Variants in LAMP1 observed in about 807,000 individuals in gnomAD.
LAMP1 encodes the protein lysosome-associated membrane glycoprotein 1.
LAMP1 carries 7 observed loss-of-function variants against 37.5 expected under a neutral mutation model. That is an observed-to-expected ratio of 0.19 (90% CI 0.11 to 0.35). The LOEUF is 0.35. LAMP1 is among the 10% of genes least tolerant of loss of function. LAMP1 has a pLI of 1.00. For synonymous variants in LAMP1, 236 were observed against 229.1 expected, an observed-to-expected ratio of 1.03 and a Z score of -0.27; for missense variants, 537 against 552.8, an observed-to-expected ratio of 0.97 and a Z score of 0.29.
intron 4 of LAMP1, among the ~76,000 whole-genome samples, chr13:113,316,615 G>A (rs906468818): frequency 6.6e-6 from 1 of 152,048 alleles, no homozygotes; most frequent in Non-Finnish European, 1.5e-5. Context: ...TAGAGACGGG[G>A]TTTCACCGTG....
In LAMP1 at chr13:113,321,534, C is replaced by T. The variant is rs201599205; in HGVS notation, c.944-23C>T. On this transcript the variant is annotated intron_variant, in intron 7 of 8. Coordinates refer to ENST00000332556, the MANE Select transcript of LAMP1 (RefSeq NM_005561.4). This position sits in a 1 kb window ranked among gnomAD's most constrained non-coding sequence, Gnocchi z 5.6. Reference sequence around the variant, plus strand: ...GCGCGCCCAGGGTATTCTGGAGCCACTAGACCTCTGTGTGTGTTGCAGACC... The same window carrying T: ...GCGCGCCCAGGGTATTCTGGAGCCATTAGACCTCTGTGTGTGTTGCAGACC... 2.3e-5 allele frequency: 37 copies of T among 1,613,518 alleles called. No homozygotes were observed. In the African/African-American group the frequency reaches 4.3e-4, roughly 19 times the overall value.
intron 1 of LAMP1, among the ~76,000 whole-genome samples, chr13:113,301,101 A>T (rs1210832019): frequency 1.3e-5 from 2 of 152,184 alleles, no homozygotes; most frequent in African/African-American, 4.8e-5. Context: ...ACTGACAGGT[A>T]GTAAGTGCTG....
intron 2 of LAMP1, among the ~76,000 whole-genome samples, chr13:113,308,272 T>C (rs2042610615): frequency 6.9e-6 from 1 of 145,330 alleles, no homozygotes; most frequent in South Asian, 2.2e-4. Context: ...CACCTTGGCC[T>C]CCCAAAGTGC....
chr13:113,309,105 T>G (rs549158574), intron 2 of LAMP1, among the ~76,000 whole-genome samples: 28 of 152,276 alleles, frequency 1.8e-4, no homozygotes, highest in African/African-American at 5.8e-4. Flanking sequence ...TTTATGGGGT[T>G]GTTTTGTTTT....
At chr13:113,298,865 G>A (rs1052965139) in intron 1 of LAMP1, among the ~76,000 whole-genome samples, 8 of 152,200 alleles carry the variant, frequency 5.3e-5, no homozygotes, top group African/African-American at 1.9e-4. Context: ...ACTTCAGGCC[G>A]GGAGCAGTGG....
intron 4 of LAMP1, among the ~76,000 whole-genome samples, chr13:113,314,907 T>C (rs2042652461): frequency 1.0e-5 from 1 of 99,322 alleles, no homozygotes; most frequent in Non-Finnish European, 2.0e-5. Flanking sequence ...AGGGAGTCAG[T>C]GTGGAGATGC....
chr13:113,298,961 C>G (rs780940148), intron 1 of LAMP1, among the ~76,000 whole-genome samples: 4 of 152,150 alleles, frequency 2.6e-5, no homozygotes, highest in African/African-American at 9.7e-5. Context: ...GCCAATATGG[C>G]GAAACCCGGT....
In LAMP1 at chr13:113,321,034, A is replaced by G; in HGVS notation, c.877-370A>G. 5 of 290,904 alleles carry G rather than the reference A, an allele frequency of 1.7e-5. 1 individual carries two copies. The South Asian group carries it at 1.8e-4, about 10-fold the overall frequency. 18.0% of individuals were successfully genotyped at this position (290,904 alleles called of 1,614,324 possible). ...ATTTCTGCAAATAATAAAACGAGTT[A>G]GCTGGGCGTAGTGGCGCACACCTGT... is the stretch of plus-strand genomic sequence containing the variant. On this transcript the variant is annotated intron_variant, in intron 6 of 8. Transcript: ENST00000332556. This position sits in a 1 kb window ranked among gnomAD's most constrained non-coding sequence, Gnocchi z 5.6.
At position 113,321,288 on chromosome 13, in the gene LAMP1, C is replaced by T; in HGVS notation, c.877-116C>T. Reference sequence around the variant, plus strand: ...TTCTAATACTAGAAATGTAGGAAGTCAGGTTTATTACCCAATGACCATTCA... The same window carrying T: ...TTCTAATACTAGAAATGTAGGAAGTTAGGTTTATTACCCAATGACCATTCA... On this transcript the variant is annotated intron_variant, in intron 6 of 8. Coordinates refer to ENST00000332556, the MANE Select transcript of LAMP1 (RefSeq NM_005561.4). The surrounding 1 kb of genome is among the most constrained non-coding windows in gnomAD (Gnocchi z 5.6). 1.2e-6 allele frequency: 1 copy of T among 851,310 alleles called. No homozygotes were observed. Among genetic ancestry groups the T allele is most frequent in the Non-Finnish European group, 2.0e-6 (1 of 497,170 alleles). The allele number at this position is 851,310 out of a possible 1,614,324, so 52.7% of individuals were successfully genotyped here.
At chr13:113,311,230 G>A (rs187186543) in intron 4 of LAMP1, among the ~76,000 whole-genome samples, 7 of 152,228 alleles carry the variant, frequency 4.6e-5, no homozygotes, top group Admixed American at 1.3e-4. Context: ...GAGCGTTTCC[G>A]GAAGACAGGA....
chr13:113,316,494 C>G (rs935260241), intron 4 of LAMP1, among the ~76,000 whole-genome samples: 5 of 149,990 alleles, frequency 3.3e-5, no homozygotes, highest in African/African-American at 1.2e-4. Context: ...GTGATCTCTG[C>G]TCACTGCAAG....
chr13:113,319,707 G>A, intron 5 of LAMP1, 51 bp downstream of exon 5: 1 of 1,548,414 alleles, frequency 6.5e-7, no homozygotes, highest in Non-Finnish European at 8.8e-7. Context: ...TAGGGCTGGA[G>A]CCTCTGCTCC....
intron 1 of LAMP1, among the ~76,000 whole-genome samples, chr13:113,301,691 A>T (rs1316743833): frequency 7.3e-6 from 1 of 137,024 alleles, no homozygotes; most frequent in Non-Finnish European, 1.5e-5. Flanking sequence ...ATATATATAT[A>T]TTTACACACA....
intron 4 of LAMP1, among the ~76,000 whole-genome samples, chr13:113,316,313 A>C (rs569536394): frequency 2.0e-3 from 303 of 151,898 alleles, no homozygotes; most frequent in Non-Finnish European, 3.7e-3. Flanking sequence ...TTTTATCCTC[A>C]GGGTCTGATA....
Position 113,319,457 on chromosome 13 carries a change from C to T in LAMP1, c.563-12C>T. ...AAACCCAGACCTGAATCTCCCTCCA[C>T]TGCACCTGCAGAGACACGCTGTGAA... On this transcript the variant is annotated splice_polypyrimidine_tract_variant and intron_variant, in intron 4 of 8. Transcript: ENST00000332556. 1.3e-6 allele frequency: 2 copies of T among 1,593,234 alleles called. No individual in the cohort carries two copies. Among genetic ancestry groups the T allele is most frequent in the East Asian group, 2.2e-5 (1 of 44,466 alleles).
At chr13:113,298,811 C>G (rs562590558) in intron 1 of LAMP1, among the ~76,000 whole-genome samples, 24 of 152,340 alleles carry the variant, frequency 1.6e-4, no homozygotes, top group African/African-American at 5.5e-4. Context: ...CAGATGCTCA[C>G]AAGCCTCATA....
At chr13:113,299,780 G>A (rs2042561175) in intron 1 of LAMP1, among the ~76,000 whole-genome samples, 1 of 151,692 alleles carries the variant, frequency 6.6e-6, no homozygotes, top group Non-Finnish European at 1.5e-5. Context: ...TGCTGGCCAG[G>A]CTGGTCTCGA....
intron 3 of LAMP1, 24 bp downstream of exon 3, chr13:113,309,886 A>C: frequency 6.4e-7 from 1 of 1,572,108 alleles, no homozygotes; most frequent in South Asian, 1.1e-5. Context: ...TGGGCCGATT[A>C]TGAAGTGATA....
At chr13:113,298,782 A>G (rs2042555734) in intron 1 of LAMP1, among the ~76,000 whole-genome samples, 1 of 152,242 alleles carries the variant, frequency 6.6e-6, no homozygotes, top group African/African-American at 2.4e-5. Flanking sequence ...TGTCACAGCA[A>G]CTGCATTGTT....
Sources: gnomAD v4.1 joint callset for allele counts (sites outside exome capture counted in the v4.1 genomes callset) on GRCh38, gnomAD v4.1.1 for gene constraint, Gnocchi (gnomAD v3.1) non-coding constraint, MANE v1.5 for transcripts, NCBI Gene and HGNC (gene_info 2026-07-23, HGNC 2026-07-21) for gene names.